Variants in HCFC2 observed in about 807,000 individuals in gnomAD.
HCFC2 encodes the protein host cell factor 2.
HCFC2 carries 18 observed loss-of-function variants against 89.2 expected under a neutral mutation model. The observed-to-expected ratio is 0.20, with a 90% confidence interval of 0.14 to 0.30. The LOEUF is 0.30. Among genes scored for constraint, HCFC2 ranks in the 10% least tolerant of loss-of-function variants. The pLI, the probability that HCFC2 is intolerant of heterozygous loss-of-function variation, is 1.00. For synonymous variants in HCFC2, 308 were observed against 335.7 expected (o/e 0.92, Z 0.90); for missense variants, 578 against 956.1 (o/e 0.60, Z 5.21).
chr12:104,072,921 G>A (rs1416076762), intron 3 of HCFC2, among the ~76,000 whole-genome samples: 2 of 151,496 alleles, frequency 1.3e-5, no homozygotes, highest in African/African-American at 4.9e-5. Flanking sequence ...TGGGATTACA[G>A]GTGTGAGCCA....
At chr12:104,097,333 T>G (rs959047974) in intron 12 of HCFC2, among the ~76,000 whole-genome samples, 1 of 152,146 alleles carries the variant, frequency 6.6e-6, no homozygotes, top group Admixed American at 6.5e-5. Flanking sequence ...TAGACTCTTC[T>G]TAGGGAAGGA....
chr12:104,087,468 T>TATATATATATATATGTATATATATATAC (rs1566232421), intron 8 of HCFC2, among the ~76,000 whole-genome samples: 42 of 266 alleles, frequency 0.16, no homozygotes, highest in Admixed American at 0.39. Context: ...TATATATACA[T>TATATATATATATATGTATATATATATAC]ATATATATAT....
intron 4 of HCFC2, 147 bp downstream of exon 4, chr12:104,079,800 G>T: frequency 1.6e-6 from 1 of 640,648 alleles, no homozygotes; most frequent in Non-Finnish European, 2.7e-6. Flanking sequence ...GATATGAATG[G>T]TTGCTGATAA....
chr12:104,076,479 A>C (rs535249112), intron 3 of HCFC2, among the ~76,000 whole-genome samples: 1 of 152,366 alleles, frequency 6.6e-6, no homozygotes, highest in African/African-American at 2.4e-5. Context: ...ACTGGATAGC[A>C]TACTGGCTGA....
intron 12 of HCFC2, 90 bp from the exon 13 acceptor site, chr12:104,098,253 C>A: frequency 1.0e-6 from 1 of 975,398 alleles, no homozygotes; most frequent in Non-Finnish European, 1.5e-6. Flanking sequence ...CAAATACCTA[C>A]TTGTAGATCA....
chr12:104,070,643 A>G (rs1883292104), intron 3 of HCFC2, among the ~76,000 whole-genome samples: 1 of 152,224 alleles, frequency 6.6e-6, no homozygotes, highest in South Asian at 2.1e-4. Context: ...GTTATCAACC[A>G]TTATGATGTC....
intron 5 of HCFC2, among the ~76,000 whole-genome samples, chr12:104,081,134 T>G (rs1478332571): frequency 3.9e-5 from 6 of 152,200 alleles, no homozygotes; most frequent in Non-Finnish European, 8.8e-5. Flanking sequence ...TTTTTCATAT[T>G]TTTGGTAGTG....
chr12:104,064,591 C>G lies in HCFC2; in HGVS notation c.31C>G (p.Arg11Gly). 1 of 1,567,072 alleles carries G rather than the reference C, an allele frequency of 6.4e-7. No individual in the cohort carries two copies. The highest frequency in any genetic ancestry group is 8.6e-7 in the Non-Finnish European group (1 of 1,159,374). The part of the protein sequence containing the change: MAAPSLLNWR[R>G]VSSFTGPVPR... ...GGCTCCCAGCCTCCTCAACTGGAGG[C>G]GAGTTTCTTCCTTCACGGGGCCGGT... Residue 11 changes from arginine (R) to glycine (G), a missense_variant, in exon 1 of 15, where the codon CGA (arginine) becomes GGA (glycine). By Grantham distance (125) the Arg-to-Gly change is moderately radical. Coordinates refer to ENST00000229330, the MANE Select transcript of HCFC2 (RefSeq NM_013320.3). This position sits in a 1 kb window ranked among gnomAD's most constrained non-coding sequence, Gnocchi z 7.3.
At chr12:104,082,634 A>G (rs1469419640) in intron 6 of HCFC2, 28 bp downstream of exon 6, 3 of 1,565,228 alleles carry the variant, frequency 1.9e-6, no homozygotes, top group African/African-American at 1.4e-5. Flanking sequence ...TACTCATTGA[A>G]TTAATCTTTA....
chr12:104,099,801 G>T (rs1270297858), intron 13 of HCFC2, among the ~76,000 whole-genome samples: 1 of 152,044 alleles, frequency 6.6e-6, no homozygotes, highest in Non-Finnish European at 1.5e-5. Context: ...GAGTAGCTAG[G>T]ACTACAGGGA....
chr12:104,071,334 A>G (rs1288787185), intron 3 of HCFC2, among the ~76,000 whole-genome samples: 1 of 152,150 alleles, frequency 6.6e-6, no homozygotes. Context: ...TTGTTAGGTT[A>G]TTGTTTATAA....
intron 9 of HCFC2, among the ~76,000 whole-genome samples, chr12:104,092,704 G>C (rs1884057136): frequency 6.6e-6 from 1 of 152,104 alleles, no homozygotes; most frequent in African/African-American, 2.4e-5. Context: ...AACACAGGAG[G>C]TGCAGGTTGC....
intron 3 of HCFC2, among the ~76,000 whole-genome samples, chr12:104,070,527 G>A (rs994248213): frequency 1.3e-5 from 2 of 152,086 alleles, no homozygotes; most frequent in Admixed American, 1.3e-4. Flanking sequence ...CTGTGAAATG[G>A]GAGTGATTAA....
intron 2 of HCFC2, among the ~76,000 whole-genome samples, chr12:104,067,376 T>A (rs1018503706): frequency 2.6e-5 from 4 of 152,256 alleles, no homozygotes; most frequent in Non-Finnish European, 4.4e-5. Flanking sequence ...TAGCCCTTGT[T>A]GACTTTTCTT....
chr12:104,064,873 C>T lies in HCFC2; in HGVS notation c.163+150C>T. 1.6e-6 allele frequency: 1 copy of T among 635,292 alleles called. No homozygotes were observed. The highest frequency in any genetic ancestry group is 3.6e-5 in the East Asian group (1 of 28,052). The allele number at this position is 635,292 out of a possible 1,614,324, so 39.4% of individuals were successfully genotyped here. On this transcript the variant is annotated intron_variant, in intron 1 of 14. Coordinates refer to ENST00000229330, the MANE Select transcript of HCFC2 (RefSeq NM_013320.3). The surrounding 1 kb of genome is among the most constrained non-coding windows in gnomAD (Gnocchi z 7.3). ...GGGAGCGCGGCTCAGCCGGGCAGCC[C>T]GGGTCCGGCAGCTCTGTCCCGGACC... is the stretch of plus-strand genomic sequence containing the variant.
chr12:104,082,175 A>G (rs923212324), intron 5 of HCFC2, among the ~76,000 whole-genome samples: 1 of 152,224 alleles, frequency 6.6e-6, no homozygotes, highest in Admixed American at 6.5e-5. Flanking sequence ...TCATAGATCA[A>G]TTGAGTGTCT....
At chr12:104,089,098 A>G (rs1298466244) in intron 9 of HCFC2, among the ~76,000 whole-genome samples, 1 of 152,184 alleles carries the variant, frequency 6.6e-6, no homozygotes, top group Non-Finnish European at 1.5e-5. Context: ...TGGAACCTGC[A>G]AATGCGGAAA....
intron 4 of HCFC2, among the ~76,000 whole-genome samples, chr12:104,080,050 G>A (rs1252446508): frequency 6.6e-6 from 1 of 152,184 alleles, no homozygotes; most frequent in Non-Finnish European, 1.5e-5. Flanking sequence ...TTCGTGGTCA[G>A]TAAAAAACCC....
rs1414429818 is a variant in HCFC2 at position 104,092,087 on chromosome 12, G to C, written c.1285-1299G>C. Among the ~76,000 whole-genome samples the C allele has an allele frequency of 2.0e-5, 3 of 152,208 alleles. No individual in the cohort carries two copies. In the East Asian group the frequency reaches 5.8e-4, roughly 29 times the overall value. ...AAAGAACAACAATATTAGGGTATTTGAATGAAGCCAGGTCACTTTTATGGT... is the reference window on the plus strand; with the variant it reads ...AAAGAACAACAATATTAGGGTATTTCAATGAAGCCAGGTCACTTTTATGGT... On this transcript the variant is annotated intron_variant, in intron 9 of 14. Transcript: ENST00000229330.
Sources: gnomAD v4.1 joint callset for allele counts (sites outside exome capture counted in the v4.1 genomes callset) on GRCh38, gnomAD v4.1.1 for gene constraint, Gnocchi (gnomAD v3.1) non-coding constraint, MANE v1.5 for transcripts, NCBI Gene and HGNC (gene_info 2026-07-23, HGNC 2026-07-21) for gene names.